Variants in SH3D19 observed in about 807,000 individuals in gnomAD.
SH3D19 encodes SH3 domain-containing protein 19.
A neutral mutation model predicts 112.1 loss-of-function variants in SH3D19; 58 were observed. That is an observed-to-expected ratio of 0.52 (90% confidence interval 0.42 to 0.64). The LOEUF (loss-of-function observed/expected upper bound fraction) is 0.64, where lower values mean the gene tolerates loss of function less well. SH3D19 is among the 30% of genes least tolerant of loss of function. The probability of loss-of-function intolerance (pLI) is 0.00; values close to 1 mark genes in which losing one functional copy is unlikely to be tolerated. For synonymous variants in SH3D19, 391 were observed against 448.5 expected, an observed-to-expected ratio of 0.87 and a Z score of 1.62; for missense variants, 1,090 against 1,263.4, an observed-to-expected ratio of 0.86 and a Z score of 2.08.
intron 1 of SH3D19, among the ~76,000 whole-genome samples, chr4:151,306,240 T>C (rs1365820447): frequency 6.6e-6 from 1 of 152,146 alleles, no homozygotes; most frequent in African/African-American, 2.4e-5. Context: ...ATAAAATTCA[T>C]AGAACTGTTC....
intron 1 of SH3D19, among the ~76,000 whole-genome samples, chr4:151,278,212 A>T (rs1445716656): frequency 6.6e-6 from 1 of 152,124 alleles, no homozygotes; most frequent in Non-Finnish European, 1.5e-5. Flanking sequence ...AAACTAACAT[A>T]CTTCATATTC....
intron 3 of SH3D19, 119 bp downstream of exon 3, chr4:151,187,304 A>G (rs1003462357): frequency 1.2e-5 from 6 of 489,582 alleles, no homozygotes; most frequent in Non-Finnish European, 1.9e-5. Context: ...AATACCTCTT[A>G]GGAGAAGCTA....
intron 1 of SH3D19, among the ~76,000 whole-genome samples, chr4:151,322,782 A>ACTCATT (rs1344206037): frequency 6.6e-6 from 1 of 152,178 alleles, no homozygotes. Context: ...AATGAAAAGA[A>ACTCATT]CTCATTCCAG....
rs774312297 is a variant in SH3D19 at position 151,148,132 on chromosome 4, A to G, written c.1872T>C (p.Pro624=). The part of the protein sequence containing the change: ...PTQQPPTKVP[P]ERPPPPKLSA... ...AAAGCTTTGGGGGAGGTGGTCTCTC[A>G]GGGGGCACCTTGGTTGGAGGCTGTT... The change falls in exon 11 of 20, where the codon CCT becomes CCC. Residue 624 remains proline (P), a synonymous_variant. Coordinates refer to ENST00000604030, the MANE Select transcript of SH3D19 (RefSeq NM_001378122.1). 3 of 1,613,228 alleles carry G rather than the reference A, an allele frequency of 1.9e-6. No individual in the cohort carries two copies. The highest frequency in any genetic ancestry group is 1.3e-5 in the African/African-American group (1 of 74,774).
At chr4:151,287,426 A>G (rs1774915651) in intron 1 of SH3D19, among the ~76,000 whole-genome samples, 1 of 152,070 alleles carries the variant, frequency 6.6e-6, no homozygotes, top group Non-Finnish European at 1.5e-5. Flanking sequence ...CAAAGGCATC[A>G]CAAGGAAGCT....
chr4:151,209,657 T>TA (rs1490949061), intron 2 of SH3D19, among the ~76,000 whole-genome samples: 1 of 152,212 alleles, frequency 6.6e-6, no homozygotes, highest in Non-Finnish European at 1.5e-5. Flanking sequence ...AGAGTATTTT[T>TA]AAAATTCACT....
chr4:151,227,528 A>C (rs1769201146), intron 1 of SH3D19, among the ~76,000 whole-genome samples: 2 of 152,186 alleles, frequency 1.3e-5, no homozygotes, highest in South Asian at 4.1e-4. Flanking sequence ...TTCTGTTTTA[A>C]TTTAACTTGG....
intron 12 of SH3D19, among the ~76,000 whole-genome samples, chr4:151,142,567 G>A (rs1190088687): frequency 6.6e-6 from 1 of 151,978 alleles, no homozygotes; most frequent in East Asian, 1.9e-4. Context: ...ACCGAAGAAG[G>A]TGGAAGGGGA....
intron 1 of SH3D19, among the ~76,000 whole-genome samples, chr4:151,246,122 T>C (rs545171575): frequency 3.9e-5 from 6 of 152,248 alleles, no homozygotes; most frequent in Non-Finnish European, 8.8e-5. Context: ...ATTTATGTTT[T>C]CAGGAAAAAT....
intron 3 of SH3D19, among the ~76,000 whole-genome samples, chr4:151,184,078 A>G (rs1339758107): frequency 6.6e-6 from 1 of 152,188 alleles, no homozygotes; most frequent in Non-Finnish European, 1.5e-5. Context: ...AAGGAAGAAC[A>G]TAAAATTCTA....
At chr4:151,213,951 G>A (rs13115197) in intron 2 of SH3D19, among the ~76,000 whole-genome samples, 7,146 of 150,908 alleles carry the variant, frequency 0.047, 230 homozygotes, top group Middle Eastern at 0.086. Context: ...AATAGTGGAG[G>A]GAAGGTCAGC....
intron 1 of SH3D19, among the ~76,000 whole-genome samples, chr4:151,273,531 A>G (rs551469054): frequency 2.9e-4 from 41 of 139,648 alleles, no homozygotes; most frequent in African/African-American, 1.1e-3. Context: ...CGGAGGTTGC[A>G]GTGAGCCGAG....
At chr4:151,157,123 G>A (rs1756261509) in intron 9 of SH3D19, among the ~76,000 whole-genome samples, 1 of 152,076 alleles carries the variant, frequency 6.6e-6, no homozygotes, top group Non-Finnish European at 1.5e-5. Flanking sequence ...GTGGTGGCAT[G>A]CGCCTATAGT....
At chr4:151,201,792 C>T (rs1764424244) in intron 2 of SH3D19, among the ~76,000 whole-genome samples, 1 of 151,136 alleles carries the variant, frequency 6.6e-6, no homozygotes, top group Admixed American at 6.6e-5. Flanking sequence ...GGGTGGATCA[C>T]CTGAGGTCAG....
At chr4:151,294,725 C>G (rs902226608) in intron 1 of SH3D19, among the ~76,000 whole-genome samples, 5 of 152,200 alleles carry the variant, frequency 3.3e-5, no homozygotes, top group African/African-American at 1.2e-4. Flanking sequence ...TATAACAAAT[C>G]AAGCTGGGCT....
rs370055800 is a variant in SH3D19, at chr4:151,257,307, C to G, written c.113-31221G>C. 3.9e-5 allele frequency among the ~76,000 whole-genome samples: 6 copies of G among 152,224 alleles called. No individual in the cohort carries two copies. The South Asian group carries it at 6.2e-4, about 16-fold the overall frequency. ...TTCACTATGTTGGCCAGGCTAGTCTCGAACTCCTGACCTCAGGTGATCCAC... is the reference window on the plus strand; with the variant it reads ...TTCACTATGTTGGCCAGGCTAGTCTGGAACTCCTGACCTCAGGTGATCCAC... On this transcript the variant is annotated intron_variant, in intron 1 of 19. Transcript: ENST00000604030.
chr4:151,169,283 T>C (rs1561272325), intron 7 of SH3D19, among the ~76,000 whole-genome samples: 3 of 152,192 alleles, frequency 2.0e-5, no homozygotes, highest in Admixed American at 6.5e-5. Context: ...CTACTATACA[T>C]GTCTCCGGGA....
At chr4:151,255,628 G>A (rs148113892) in intron 1 of SH3D19, among the ~76,000 whole-genome samples, 53,533 of 150,336 alleles carry the variant, frequency 0.36, 10,201 homozygotes, top group Middle Eastern at 0.44. Flanking sequence ...ACGGGGTGGC[G>A]GCCGGGCAGA....
intron 9 of SH3D19, among the ~76,000 whole-genome samples, chr4:151,154,422 T>G (rs1180292943): frequency 6.9e-6 from 1 of 145,680 alleles, no homozygotes; most frequent in Non-Finnish European, 1.5e-5. Context: ...GCTTGAACCA[T>G]TGCGCCCGGC....
Sources: allele counts gnomAD v4.1 joint callset (sites outside exome capture counted in the v4.1 genomes callset), GRCh38; gene constraint gnomAD v4.1.1; transcripts MANE v1.5; gene names NCBI Gene and HGNC (gene_info 2026-07-23, HGNC 2026-07-21).